Variants in CEP290 observed in about 807,000 individuals in gnomAD.
The protein encoded by CEP290 is centrosomal protein 290.
Under a neutral mutation model 344.9 loss-of-function variants are expected in CEP290, and 317 were observed. That is an observed-to-expected ratio of 0.92 (90% CI 0.84 to 1.01). The LOEUF (loss-of-function observed/expected upper bound fraction) is 1.01, where lower values mean the gene tolerates loss of function less well. Among genes scored for constraint, CEP290 ranks in the 50% least tolerant of loss-of-function variants. The pLI, the probability that CEP290 is intolerant of heterozygous loss-of-function variation, is 0.00. For missense variants in CEP290, 2,754 were observed against 2,761.4 expected (o/e 1.00, Z 0.06); for synonymous variants, 932 against 895.8 (o/e 1.04, Z -0.72).
chr12:88,105,362 C>A (rs963427503), intron 25 of CEP290, among the ~76,000 whole-genome samples: 1 of 151,820 alleles, frequency 6.6e-6, no homozygotes, highest in Non-Finnish European at 1.5e-5. Flanking sequence ...AAAGAGAAAG[C>A]GGAGGGGACA....
At chr12:88,059,042 T>C (rs776686514) in intron 48 of CEP290, 22 bp from the exon 49 acceptor site, 1 of 1,559,034 alleles carries the variant, frequency 6.4e-7, no homozygotes, top group Admixed American at 1.8e-5. Flanking sequence ...TGCTAATTAG[T>C]ATTTTATGAG....
intron 36 of CEP290, among the ~76,000 whole-genome samples, chr12:88,083,510 A>G (rs1354561473): frequency 6.6e-6 from 1 of 152,190 alleles, no homozygotes; most frequent in Non-Finnish European, 1.5e-5. Context: ...TTAAAAGATG[A>G]AAGACATGTC....
At chr12:88,085,493 T>C (rs1253170528) in intron 34 of CEP290, among the ~76,000 whole-genome samples, 1 of 152,108 alleles carries the variant, frequency 6.6e-6, no homozygotes, top group East Asian at 1.9e-4. Flanking sequence ...TTATGTATAT[T>C]TTAAATGTAT....
At chr12:88,131,035 TA>T in intron 7 of CEP290, 129 bp downstream of exon 7, 1 of 680,766 alleles carries the variant, frequency 1.5e-6, no homozygotes, top group Non-Finnish European at 2.3e-6. Context: ...AGTCATACCA[TA>T]AAATCAGTCT....
Position 88,079,020 on chromosome 12 carries a change from T to C in CEP290, c.5364+72A>G. Reference sequence around the variant, plus strand: ...TCCCTATTCATCAACAAAATTACTATATATCATAGTGAATTCTCTTCCAAT... The same window carrying C: ...TCCCTATTCATCAACAAAATTACTACATATCATAGTGAATTCTCTTCCAAT... On this transcript the variant is annotated intron_variant, in intron 39 of 53. Coordinates refer to ENST00000552810, the MANE Select transcript of CEP290 (RefSeq NM_025114.4). The C allele has an allele frequency of 3.0e-6, 4 of 1,323,714 alleles. No homozygotes were observed. The South Asian group carries it at 5.3e-5, about 17-fold the overall frequency. The allele number at this position is 1,323,714 out of a possible 1,614,324, so 82.0% of individuals were successfully genotyped here. A position where few individuals can be genotyped will look rare whatever the true frequency, so the allele number is the denominator to read the frequency against.
Position 88,106,877 on chromosome 12 carries a change from G to A in CEP290, c.2615C>T (p.Ser872Leu), listed in dbSNP as rs373341530. ...NNLLNALQMD[S>L]DEMKKILAEN... ...TGCAAGTATTTTTTTCATTTCATCC[G>A]AATCCATCTGAAGAGCATTGAGCAA... is the stretch of plus-strand genomic sequence containing the variant. The change falls in exon 25 of 54, where the codon TCG becomes TTG. Residue 872 changes from serine (S) to leucine (L), a missense_variant. Physicochemically the swap from Ser to Leu is moderately radical, Grantham distance 145 (BLOSUM62 -2). Transcript: ENST00000552810. 2.3e-4 allele frequency: 374 copies of A among 1,605,624 alleles called. 2 individuals are homozygous for A. The highest frequency in any genetic ancestry group is 1.4e-3 in the South Asian group (129 of 89,702).
At chr12:88,132,413 C>T (rs766984958) in intron 6 of CEP290, among the ~76,000 whole-genome samples, 3 of 152,006 alleles carry the variant, frequency 2.0e-5, no homozygotes, top group Admixed American at 2.0e-4. Flanking sequence ...TATTATTGGG[C>T]CATTAGAAGA....
intron 17 of CEP290, among the ~76,000 whole-genome samples, chr12:88,117,535 T>C (rs1158366144): frequency 6.6e-6 from 1 of 152,172 alleles, no homozygotes; most frequent in African/African-American, 2.4e-5. Flanking sequence ...ATCATAATGC[T>C]AAAAAGAACC....
At chr12:88,084,547 C>T in intron 35 of CEP290, 39 bp downstream of exon 35, 2 of 1,497,798 alleles carry the variant, frequency 1.3e-6, no homozygotes, top group Non-Finnish European at 1.8e-6. Context: ...CTTAAAAAAA[C>T]TAATGGATAA....
chr12:88,136,262 T>C lies in CEP290; in HGVS notation c.441+381A>G, dbSNP rs897525075. The C allele has an allele frequency of 3.1e-4, 62 of 198,926 alleles. 1 individual carries two copies. The highest frequency in any genetic ancestry group is 5.6e-4 in the Admixed American group (10 of 17,958). The allele number at this position is 198,926 out of a possible 1,614,324, so 12.3% of individuals were successfully genotyped here. On this transcript the variant is annotated intron_variant, in intron 6 of 53. Coordinates refer to ENST00000552810, the MANE Select transcript of CEP290 (RefSeq NM_025114.4). Reference sequence around the variant, plus strand: ...TTCATTTGCGAATCTACTAATCATATAAATACATTGAAATGAACAAATATA... The same window carrying C: ...TTCATTTGCGAATCTACTAATCATACAAATACATTGAAATGAACAAATATA...
At chr12:88,106,284 T>C (rs2038273018) in intron 25 of CEP290, among the ~76,000 whole-genome samples, 2 of 152,126 alleles carry the variant, frequency 1.3e-5, no homozygotes. Context: ...CAAACATTTT[T>C]TGGAGAAAAA....
At position 88,079,696 on chromosome 12, in the gene CEP290, G is replaced by C. The variant is rs574940459; in HGVS notation, c.5227-467C>G. Among the ~76,000 whole-genome samples, 3 of 152,038 alleles carry C rather than the reference G, an allele frequency of 2.0e-5. No homozygotes were observed. The East Asian group carries it at 5.8e-4, about 29-fold the overall frequency. ...AAAACAATTTAAATAGATCAAATCT[G>C]AGATAAACTAAAAAAAACCCTAATA... On this transcript the variant is annotated intron_variant, in intron 38 of 53. Transcript: ENST00000552810.
At chr12:88,092,604 C>T (rs1166255625) in intron 29 of CEP290, 77 bp downstream of exon 29, 1 of 1,241,262 alleles carries the variant, frequency 8.1e-7, no homozygotes, top group Non-Finnish European at 1.1e-6. Context: ...GAATTGTATA[C>T]CTGTAATTGG....
At chr12:88,137,578 C>G (rs1008823611) in intron 5 of CEP290, among the ~76,000 whole-genome samples, 6 of 152,136 alleles carry the variant, frequency 3.9e-5, no homozygotes, top group Non-Finnish European at 8.8e-5. Context: ...CTTACTCTTT[C>G]TCTCCTCCAA....
intron 22 of CEP290, among the ~76,000 whole-genome samples, chr12:88,110,491 A>G (rs2038607738): frequency 1.3e-5 from 2 of 152,080 alleles, no homozygotes; most frequent in South Asian, 4.1e-4. Context: ...CAGGCGAATC[A>G]CTTGAGACCA....
At chr12:88,140,175 G>A (rs984291084) in intron 3 of CEP290, among the ~76,000 whole-genome samples, 2 of 152,056 alleles carry the variant, frequency 1.3e-5, no homozygotes, top group African/African-American at 2.4e-5. Flanking sequence ...CCTTTGTAAT[G>A]TCTTTCCACT....
chr12:88,128,821 C>T lies in CEP290; in HGVS notation c.942+125G>A, dbSNP rs1051447972. 5.8e-5 allele frequency: 31 copies of T among 538,366 alleles called. 1 individual carries two copies. In the Admixed American group the frequency reaches 1.0e-3, roughly 18 times the overall value. The allele number at this position is 538,366 out of a possible 1,614,324, so 33.3% of individuals were successfully genotyped here. ...TTTTCTAACCAATAAATAAAATAAA[C>T]TTATGTTTAAAAACCCTAATAAACG... On this transcript the variant is annotated intron_variant, in intron 11 of 53. Transcript: ENST00000552810.
intron 3 of CEP290, 82 bp from the exon 4 acceptor site, chr12:88,139,646 T>C: frequency 9.3e-7 from 1 of 1,072,406 alleles, no homozygotes; most frequent in Non-Finnish European, 1.3e-6. Context: ...TTTTATTTGT[T>C]ATGATCCTTA....
At chr12:88,131,098 T>C in intron 7 of CEP290, 67 bp downstream of exon 7, 2 of 1,221,410 alleles carry the variant, frequency 1.6e-6, no homozygotes, top group African/African-American at 1.6e-5. Context: ...TATAAATTTA[T>C]GTAAACTTAG....
Sources: gnomAD v4.1 joint callset for allele counts (sites outside exome capture counted in the v4.1 genomes callset) on GRCh38, gnomAD v4.1.1 for gene constraint, MANE v1.5 for transcripts, NCBI Gene and HGNC (gene_info 2026-07-23, HGNC 2026-07-21) for gene names.